VSIG2: variants seen among roughly 807,000 people sequenced by gnomAD.
VSIG2 encodes the protein V-set and immunoglobulin domain-containing protein 2.
A neutral mutation model predicts 29.4 loss-of-function variants in VSIG2; 30 were observed. That is an observed-to-expected ratio of 1.02 (90% confidence interval 0.76 to 1.38). The LOEUF (loss-of-function observed/expected upper bound fraction) is 1.38, where lower values mean the gene tolerates loss of function less well. Among genes scored for constraint, VSIG2 ranks in the 40% most tolerant of loss-of-function variants. VSIG2 has a pLI of 0.00. For synonymous variants in VSIG2, 178 were observed against 174.2 expected, an observed-to-expected ratio of 1.02 and a Z score of -0.17; for missense variants, 421 against 400.8, an observed-to-expected ratio of 1.05 and a Z score of -0.43.
intron 1 of VSIG2, 23 bp from the exon 2 acceptor site, chr11:124,751,603 G>A: frequency 6.4e-7 from 1 of 1,555,996 alleles, no homozygotes; most frequent in Non-Finnish European, 8.7e-7. Flanking sequence ...ACCAGAGGGA[G>A]GTGGGAACCC....
In VSIG2 at chr11:124,750,836, C is replaced by T. The variant is rs759172351; in HGVS notation, c.305G>A (p.Gly102Glu). The T allele has an allele frequency of 1.9e-6, 3 of 1,614,056 alleles. No individual in the cohort carries two copies. In the South Asian group the frequency reaches 3.3e-5, roughly 18 times the overall value. Residue 102 changes from glycine to glutamate, a missense_variant, in exon 3 of 7, where the codon GGG becomes GAG. Physicochemically the swap from Gly to Glu is moderately conservative, Grantham distance 98 (BLOSUM62 -2). Transcript: ENST00000326621. ...GTCAGTCAGTTTCAGTGTGGCCACC[C>T]CCACTGTGGGGGGGTTCTGAAGCAG... ...VSLLQNPPTV[G>E]VATLKLTDVH...
At position 124,747,677 on chromosome 11, in the gene VSIG2, A is replaced by G. The variant is rs1180223343; in HGVS notation, c.852-10T>C. 4.3e-6 allele frequency: 7 copies of G among 1,612,716 alleles called. No individual in the cohort carries two copies. The highest frequency in any genetic ancestry group is 5.9e-6 in the Non-Finnish European group (7 of 1,179,490). ...AGCGATGGCATCCTCCCTGATGGGT[A>G]TAGGCAAGTTCTGAGTGAACAGTAG... On this transcript the variant is annotated splice_polypyrimidine_tract_variant and intron_variant, in intron 6 of 6. Coordinates refer to ENST00000326621, the MANE Select transcript of VSIG2 (RefSeq NM_014312.5).
At position 124,751,545 on chromosome 11, in the gene VSIG2, G is replaced by T; in HGVS notation, c.97C>A (p.Leu33Met). ...GCTGTCTTCCCCAGGGGCGTGCTCA[G>T]CGGCTCTGTGGGTACCTTCACCTCC... ...AVEVKVPTEPLSTPLGKTAEL... is the reference protein window; with the variant it reads ...AVEVKVPTEPMSTPLGKTAEL... Residue 33 changes from leucine (L) to methionine (M), a missense_variant, in exon 2 of 7, where the codon CTG becomes ATG. Transcript: ENST00000326621. 6.2e-7 allele frequency: 1 copy of T among 1,609,886 alleles called. No homozygotes were observed.
chr11:124,751,660 T>C, intron 1 of VSIG2, 80 bp from the exon 2 acceptor site: 1 of 1,424,608 alleles, frequency 7.0e-7, no homozygotes. Context: ...GGCATCTATA[T>C]TGGAAGCTGG....
intron 3 of VSIG2, 21 bp from the exon 4 acceptor site, chr11:124,749,887 A>ACAAAAAAAC: frequency 2.6e-6 from 4 of 1,516,270 alleles, no homozygotes; most frequent in Non-Finnish European, 3.5e-6. Flanking sequence ...AAAAAAAAAA[A>ACAAAAAAAC]AAAAAAAACA....
rs568630499 is a variant in VSIG2, at chr11:124,747,657, T to A, written c.862A>T (p.Ile288Phe). 6.2e-7 allele frequency: 1 copy of A among 1,613,558 alleles called. No individual in the cohort carries two copies. Among genetic ancestry groups the A allele is most frequent in the Admixed American group, 1.7e-5 (1 of 59,912 alleles). ...GTGTGCTCAGAGATCCCAGGAGCGA[T>A]GGCATCCTCCCTGATGGGTATAGGC... is the stretch of plus-strand genomic sequence containing the variant. ...YGGSDLREDAIAPGISEHTCM... is the reference protein window; with the variant it reads ...YGGSDLREDAFAPGISEHTCM... The change falls in exon 7 of 7, where the codon ATC (isoleucine) becomes TTC (phenylalanine). Residue 288 changes from isoleucine (I) to phenylalanine (F), a missense_variant. By Grantham distance (21) the Ile-to-Phe change is conservative. Transcript: ENST00000326621.
chr11:124,748,521 G>T lies in VSIG2; in HGVS notation c.720C>A (p.Gly240=). 6.2e-7 allele frequency: 1 copy of T among 1,614,096 alleles called. No homozygotes were observed. Among genetic ancestry groups the T allele is most frequent in the Non-Finnish European group, 8.5e-7 (1 of 1,179,998 alleles). Residue 240 remains glycine, a synonymous_variant, in exon 6 of 7, where the codon GGC becomes GGA. Transcript: ENST00000326621. ...CCCCAATCAGAGCTCCGGCCACTCG[G>T]CCTTGGGAGGGTTCTAAGGAGATAC... ...LTLSVTEPSQ[G]RVAGALIGVL...
At position 124,749,884 on chromosome 11, in the gene VSIG2, A is replaced by AAACAAAAAAAAAC; in HGVS notation, c.428-19_428-18insGTTTTTTTTTGTT. 1.4e-6 allele frequency: 2 copies of AAACAAAAAAAAAC among 1,460,320 alleles called. No individual in the cohort carries two copies. Among genetic ancestry groups the AAACAAAAAAAAAC allele is most frequent in the African/African-American group, 3.2e-5 (2 of 63,122 alleles). 90.5% of individuals were successfully genotyped at this position (1,460,320 alleles called of 1,614,324 possible). On this transcript the variant is annotated intron_variant, in intron 3 of 6. Coordinates refer to ENST00000326621, the MANE Select transcript of VSIG2 (RefSeq NM_014312.5). ...GGGGGGAACTGCAAAAAAAAAAAAAAAAAAAAAAAAACAGAAAGTTCCTCA... is the reference window on the plus strand; with the variant it reads ...GGGGGGAACTGCAAAAAAAAAAAAAAAACAAAAAAAAACAAAAAAAAAAACAGAAAGTTCCTCA...
chr11:124,748,370 C>G lies in VSIG2; in HGVS notation c.851+20G>C. 6.3e-7 allele frequency: 1 copy of G among 1,580,964 alleles called. No homozygotes were observed. Among genetic ancestry groups the G allele is most frequent in the Non-Finnish European group, 8.6e-7 (1 of 1,164,872 alleles). On this transcript the variant is annotated intron_variant, in intron 6 of 6. Transcript: ENST00000326621. ...GCCCTTTCCTCCCTCCTTGCGCCAC[C>G]CCCCAGCCCTCCTGCTCACCGAAGG...
At chr11:124,751,121 G>GTC (rs10699910) in intron 2 of VSIG2, among the ~76,000 whole-genome samples, 200 bp from the exon 3 acceptor site, 34,485 of 149,702 alleles carry the variant, frequency 0.23, 4,931 homozygotes, top group African/African-American at 0.42. Context: ...TGATCCATTG[G>GTC]TCTCTCTCTC....
Position 124,747,646 on chromosome 11 carries a change from C to G in VSIG2, c.873G>C (p.Gly291=), listed in dbSNP as rs202014292. The G allele has an allele frequency of 1.2e-6, 2 of 1,613,730 alleles. No individual in the cohort carries two copies. The highest frequency in any genetic ancestry group is 1.7e-6 in the Non-Finnish European group (2 of 1,179,844). Residue 291 remains glycine, a synonymous_variant, in exon 7 of 7, where the codon GGG becomes GGC. Transcript: ENST00000326621. ...SDLREDAIAP[G]ISEHTCMRAD... ...CCCTCATACAAGTGTGCTCAGAGAT[C>G]CCAGGAGCGATGGCATCCTCCCTGA... is the stretch of plus-strand genomic sequence containing the variant.
At position 124,749,886 on chromosome 11, in the gene VSIG2, A is replaced by AG; in HGVS notation, c.428-21_428-20insC. The AG allele has an allele frequency of 7.8e-7, 1 of 1,278,596 alleles. No individual in the cohort carries two copies. Among genetic ancestry groups the AG allele is most frequent in the East Asian group, 2.6e-5 (1 of 38,540 alleles). 79.2% of individuals were successfully genotyped at this position (1,278,596 alleles called of 1,614,324 possible). A position where few individuals can be genotyped will look rare whatever the true frequency, so the allele number is the denominator to read the frequency against. Reference sequence around the variant, plus strand: ...GGGGAACTGCAAAAAAAAAAAAAAAAAAAAAAAAACAGAAAGTTCCTCAGC... The same window carrying AG: ...GGGGAACTGCAAAAAAAAAAAAAAAAGAAAAAAAAACAGAAAGTTCCTCAGC... On this transcript the variant is annotated intron_variant, in intron 3 of 6. Transcript: ENST00000326621.
intron 3 of VSIG2, 21 bp downstream of exon 3, chr11:124,750,693 T>C (rs762516326): frequency 6.8e-6 from 11 of 1,611,260 alleles, no homozygotes; most frequent in Admixed American, 1.7e-5. Flanking sequence ...ATGTGGCTCG[T>C]GGATCCCCAG....
chr11:124,748,801 A>G, intron 4 of VSIG2, 38 bp from the exon 5 acceptor site: 1 of 1,614,040 alleles, frequency 6.2e-7, no homozygotes, highest in Non-Finnish European at 8.5e-7. Flanking sequence ...GACTCATTCA[A>G]CTCAGTGAGC....
chr11:124,748,399 C>T lies in VSIG2; in HGVS notation c.842G>A (p.Ser281Asn). 1.2e-6 allele frequency: 2 copies of T among 1,611,754 alleles called. No homozygotes were observed. Among genetic ancestry groups the T allele is most frequent in the South Asian group, 2.2e-5 (2 of 90,726 alleles). The change falls in exon 6 of 7, where the codon AGT becomes AAT. Residue 281 changes from serine (S) to asparagine (N), a missense_variant. Physicochemically the swap from Ser to Asn is conservative, Grantham distance 46. Coordinates refer to ENST00000326621, the MANE Select transcript of VSIG2 (RefSeq NM_014312.5). ...CAGCCCTCCTGCTCACCGAAGGTCA[C>T]TACCCCCATATGTCTCCTTGGGCTT... ...GKKPKETYGG[S>N]DLREDAIAPG...
intron 1 of VSIG2, 110 bp from the exon 2 acceptor site, chr11:124,751,690 C>G (rs1441866839): frequency 6.6e-6 from 8 of 1,208,228 alleles, no homozygotes; most frequent in Non-Finnish European, 9.0e-6. Context: ...CCCCAGAGCA[C>G]AACCCTCTCC....
At chr11:124,748,214 G>T in intron 6 of VSIG2, 176 bp downstream of exon 6, 1 of 708,642 alleles carries the variant, frequency 1.4e-6, no homozygotes, top group Non-Finnish European at 2.3e-6. Flanking sequence ...TGTACCGCTT[G>T]CCTGTACCCT....
At position 124,748,765 on chromosome 11, in the gene VSIG2, T is replaced by C. The variant is rs766609693; in HGVS notation, c.587-2A>G. ...GAATGAGCTGGCCAGACACCTCATCTAGAGGATGAAGAGGAAGTGTTCCAC... is the reference window on the plus strand; with the variant it reads ...GAATGAGCTGGCCAGACACCTCATCCAGAGGATGAAGAGGAAGTGTTCCAC... On this transcript the variant is annotated splice_acceptor_variant, in intron 4 of 6. Coordinates refer to ENST00000326621, the MANE Select transcript of VSIG2 (RefSeq NM_014312.5). LOFTEE classifies it high-confidence loss of function. 12 of 1,614,074 alleles carry C rather than the reference T, an allele frequency of 7.4e-6. No individual in the cohort carries two copies. Among genetic ancestry groups the C allele is most frequent in the Middle Eastern group, 3.3e-4 (2 of 6,084 alleles).
chr11:124,749,549 A>T (rs745312096), intron 4 of VSIG2, among the ~76,000 whole-genome samples, 159 bp downstream of exon 4: 1 of 152,188 alleles, frequency 6.6e-6, no homozygotes, highest in Admixed American at 6.5e-5. Context: ...AAAGACAGGC[A>T]GGAGGGAACA....
Sources: gnomAD v4.1 joint callset for allele counts (sites outside exome capture counted in the v4.1 genomes callset) on GRCh38, gnomAD v4.1.1 for gene constraint, MANE v1.5 for transcripts, NCBI Gene and HGNC (gene_info 2026-07-23, HGNC 2026-07-21) for gene names.